Variants in NREP observed in about 807,000 individuals in gnomAD.
NREP encodes the protein neuronal regeneration related protein.
A neutral mutation model predicts 8.6 loss-of-function variants in NREP; 5 were observed. The ratio of observed to expected loss-of-function variants is 0.58; its 90% CI spans 0.30 to 1.22. The LOEUF is 1.22. Ranked by LOEUF, NREP falls within the 50% of genes most tolerant of loss-of-function variation. NREP has a pLI of 0.07. For synonymous variants in NREP, 27 were observed against 28.0 expected (o/e 0.96, Z 0.11); for missense variants, 86 against 82.5 (o/e 1.04, Z -0.17).
At chr5:111,880,180 C>T (rs1754015935) in intron 2 of NREP, among the ~76,000 whole-genome samples, 1 of 151,928 alleles carries the variant, frequency 6.6e-6, no homozygotes, top group Non-Finnish European at 1.5e-5. Flanking sequence ...TTTCACCTCT[C>T]TCTGTTTACT....
chr5:111,808,629 T>C (rs1487039494), intron 2 of NREP, among the ~76,000 whole-genome samples: 1 of 152,194 alleles, frequency 6.6e-6, no homozygotes, highest in Non-Finnish European at 1.5e-5. Flanking sequence ...CTCAATCTGA[T>C]CCTCTGCTGG....
At chr5:111,774,338 C>T (rs2112876205) in intron 2 of NREP, among the ~76,000 whole-genome samples, 1 of 152,060 alleles carries the variant, frequency 6.6e-6, no homozygotes, top group African/African-American at 2.4e-5. Flanking sequence ...ATATTGGCTG[C>T]CAAAGATGTC....
intron 2 of NREP, among the ~76,000 whole-genome samples, chr5:111,794,907 G>A (rs1246716372): frequency 6.6e-6 from 1 of 151,100 alleles, no homozygotes; most frequent in East Asian, 1.9e-4. Context: ...TTGGGTCACA[G>A]AGGCCGTTTT....
intron 2 of NREP, among the ~76,000 whole-genome samples, chr5:111,957,037 T>C (rs899949429): frequency 2.6e-5 from 4 of 151,622 alleles, no homozygotes; most frequent in African/African-American, 7.3e-5. Flanking sequence ...TAGAGTGATA[T>C]TTCAGAATAT....
chr5:111,839,908 TAC>T (rs1752984865), intron 2 of NREP, among the ~76,000 whole-genome samples: 1 of 152,114 alleles, frequency 6.6e-6, no homozygotes, highest in South Asian at 2.1e-4. Context: ...AACTCCATTT[TAC>T]AGAGTAGGAG....
intron 2 of NREP, among the ~76,000 whole-genome samples, chr5:111,796,396 C>A (rs1751873999): frequency 6.6e-6 from 1 of 152,154 alleles, no homozygotes; most frequent in Non-Finnish European, 1.5e-5. Context: ...TGTAAGATAA[C>A]ATACTCACAG....
chr5:111,892,623 C>G (rs577914282), intron 2 of NREP, among the ~76,000 whole-genome samples: 69 of 147,608 alleles, frequency 4.7e-4, no homozygotes, highest in Non-Finnish European at 7.5e-4. Context: ...AAAAAAAACC[C>G]AAAAAACAAA....
At chr5:111,819,490 G>A (rs561653500) in intron 2 of NREP, among the ~76,000 whole-genome samples, 1 of 152,266 alleles carries the variant, frequency 6.6e-6, no homozygotes, top group East Asian at 1.9e-4. Flanking sequence ...GCCTTGCTGA[G>A]AAAATTAATG....
intron 2 of NREP, among the ~76,000 whole-genome samples, chr5:111,915,242 G>A (rs1326868817): frequency 6.6e-6 from 1 of 152,138 alleles, no homozygotes; most frequent in East Asian, 1.9e-4. Context: ...AAAGTCCAGT[G>A]TTCTGGCCTC....
At chr5:111,952,505 G>A (rs893798579) in intron 2 of NREP, among the ~76,000 whole-genome samples, 1 of 152,138 alleles carries the variant, frequency 6.6e-6, no homozygotes, top group Admixed American at 6.6e-5. Flanking sequence ...TATGGTAAGA[G>A]CAGTCCTCTT....
intron 2 of NREP, among the ~76,000 whole-genome samples, chr5:111,783,880 C>G (rs900953908): frequency 3.3e-5 from 5 of 152,142 alleles, no homozygotes; most frequent in Non-Finnish European, 7.4e-5. Context: ...GAATAAATGA[C>G]CCTATGCATA....
At chr5:111,976,789 G>A in exon 1 of NREP, 1 of 1,522,840 alleles carries the variant, frequency 6.6e-7, no homozygotes, top group Middle Eastern at 1.7e-4. Context: ...AAAGGACAAA[G>A]AAGCTTCTTG....
chr5:111,851,369 A>G (rs942687984), intron 2 of NREP, among the ~76,000 whole-genome samples: 1 of 152,204 alleles, frequency 6.6e-6, no homozygotes, highest in Non-Finnish European at 1.5e-5. Context: ...AGTAAAATAC[A>G]TATGCCCCCA....
At chr5:111,932,995 T>C (rs555623224) in intron 2 of NREP, among the ~76,000 whole-genome samples, 4 of 152,100 alleles carry the variant, frequency 2.6e-5, no homozygotes, top group Non-Finnish European at 5.9e-5. Context: ...AAGTTTGACA[T>C]GCCCAGAATA....
intron 2 of NREP, among the ~76,000 whole-genome samples, chr5:111,935,893 C>A (rs1466306778): frequency 6.6e-6 from 1 of 152,030 alleles, no homozygotes; most frequent in Non-Finnish European, 1.5e-5. Flanking sequence ...GAAATTTATT[C>A]TCCCATAGTT....
chr5:111,880,345 C>T (rs1280298815), intron 2 of NREP, among the ~76,000 whole-genome samples: 2 of 152,210 alleles, frequency 1.3e-5, no homozygotes, highest in South Asian at 2.1e-4. Context: ...AGAAATACCA[C>T]AGACGAGGTG....
At chr5:111,911,421 A>C (rs567501041) in intron 2 of NREP, among the ~76,000 whole-genome samples, 244 of 152,218 alleles carry the variant, frequency 1.6e-3, no homozygotes, top group African/African-American at 5.2e-3. Context: ...GTTCAATAAC[A>C]AAGTATCTAG....
chr5:111,861,549 A>T (rs917805418), intron 2 of NREP, among the ~76,000 whole-genome samples: 3 of 152,096 alleles, frequency 2.0e-5, no homozygotes, highest in Non-Finnish European at 2.9e-5. Flanking sequence ...TTTGCATCAT[A>T]TTTGATAGCA....
At chr5:111,845,946 AT>A (rs1449452949) in intron 2 of NREP, 3 of 152,184 alleles carry the variant, frequency 2.0e-5, no homozygotes, top group Admixed American at 1.3e-4. Flanking sequence ...CTATGACTCC[AT>A]ATTGCCATTT....
Sources: gnomAD v4.1 joint callset for allele counts (sites outside exome capture counted in the v4.1 genomes callset) on GRCh38, gnomAD v4.1.1 for gene constraint, MANE v1.5 for transcripts, NCBI Gene and HGNC (gene_info 2026-07-23, HGNC 2026-07-21) for gene names.